Variants in TFDP2 observed in about 807,000 individuals in gnomAD.
TFDP2 encodes transcription factor Dp-2 (E2F dimerization partner 2).
TFDP2 carries 17 observed loss-of-function variants against 59.3 expected under a neutral mutation model. The observed-to-expected ratio is 0.29, with a 90% confidence interval of 0.20 to 0.43. The LOEUF is 0.43. Among genes scored for constraint, TFDP2 ranks in the 20% least tolerant of loss-of-function variants. The pLI, the probability that TFDP2 is intolerant of heterozygous loss-of-function variation, is 1.00. For synonymous variants in TFDP2, 180 were observed against 194.7 expected (o/e 0.92, Z 0.63); for missense variants, 391 against 528.8 (o/e 0.74, Z 2.56).
chr3:142,017,804 G>C (rs1170252790), intron 3 of TFDP2, among the ~76,000 whole-genome samples: 2 of 152,096 alleles, frequency 1.3e-5, no homozygotes, highest in Non-Finnish European at 2.9e-5. Flanking sequence ...ACCCGCCTCA[G>C]CCTCCCAAAG....
chr3:142,020,897 A>G (rs1945539697), intron 3 of TFDP2, among the ~76,000 whole-genome samples: 1 of 151,912 alleles, frequency 6.6e-6, no homozygotes, highest in Admixed American at 6.6e-5. Context: ...AGGCAAGAGG[A>G]TCTCCTGAAC....
chr3:141,963,946 G>C lies in TFDP2; in HGVS notation c.750C>G (p.Asn250Lys), dbSNP rs1259826240. 6.2e-7 allele frequency: 1 copy of C among 1,613,246 alleles called. No homozygotes were observed. Among genetic ancestry groups the C allele is most frequent in the Non-Finnish European group, 8.5e-7 (1 of 1,179,844 alleles). ...ELLLQQIAFK[N>K]LVQRNRQNEQ... is the part of the protein sequence containing the mutation. ...CATTTTGTCGATTTCTCTGTACCAG[G>C]TTTTTGAAAGCGATTTGCTGTAATG... Residue 250 changes from asparagine to lysine, a missense_variant, in exon 10 of 13, where the codon AAC becomes AAG. Asn to Lys is a moderately conservative substitution (Grantham distance 94). Coordinates refer to ENST00000489671, the MANE Select transcript of TFDP2 (RefSeq NM_001178139.2).
chr3:141,986,107 G>A (rs1165788108), intron 6 of TFDP2, among the ~76,000 whole-genome samples: 1 of 152,150 alleles, frequency 6.6e-6, no homozygotes, highest in African/African-American at 2.4e-5. Context: ...CTTAGTCTGA[G>A]CTTAGTCTAT....
Position 142,033,852 on chromosome 3 carries a change from G to T in TFDP2, c.83-28308C>A, listed in dbSNP as rs778618772. Among the ~76,000 whole-genome samples the T allele has an allele frequency of 3.3e-5, 5 of 152,064 alleles. No individual in the cohort carries two copies. In the East Asian group the frequency reaches 9.6e-4, roughly 29 times the overall value. Reference sequence around the variant, plus strand: ...AAGGGTGAGATAACTGAACCAGGAGGGTCCACTTTGCAAAAGGGTCTTTTG... The same window carrying T: ...AAGGGTGAGATAACTGAACCAGGAGTGTCCACTTTGCAAAAGGGTCTTTTG... On this transcript the variant is annotated intron_variant, in intron 3 of 12. Coordinates refer to ENST00000489671, the MANE Select transcript of TFDP2 (RefSeq NM_001178139.2).
chr3:142,107,221 C>CT (rs942515580), intron 1 of TFDP2, among the ~76,000 whole-genome samples: 3 of 150,552 alleles, frequency 2.0e-5, no homozygotes, highest in Non-Finnish European at 4.4e-5. Context: ...AAGATATTTT[C>CT]TTTTTTTTCT....
chr3:142,099,511 G>T (rs1231524856), intron 2 of TFDP2, among the ~76,000 whole-genome samples: 1 of 152,060 alleles, frequency 6.6e-6, no homozygotes, highest in Admixed American at 6.6e-5. Context: ...AGACCAGCCT[G>T]ACCAACATGG....
chr3:141,994,892 G>A (rs1263925266), intron 5 of TFDP2, 128 bp downstream of exon 5: 3 of 704,432 alleles, frequency 4.3e-6, no homozygotes, highest in Non-Finnish European at 4.3e-6. Context: ...AATAAAATAG[G>A]TGATTTTAAA....
rs915820658 is a variant in TFDP2, at chr3:142,116,170, T to C, written c.-92-14329A>G. On this transcript the variant is annotated intron_variant, in intron 1 of 12. Transcript: ENST00000489671. Reference sequence around the variant, plus strand: ...ACTTCAAACTCCTGGGCTCAAGCAATCCTCCCGCCTTAACTCCCAAGTAGC... The same window carrying C: ...ACTTCAAACTCCTGGGCTCAAGCAACCCTCCCGCCTTAACTCCCAAGTAGC... Among the ~76,000 whole-genome samples, 2 of 151,844 alleles carry C rather than the reference T, an allele frequency of 1.3e-5. 1 individual carries two copies. The highest frequency in any genetic ancestry group is 4.2e-4 in the South Asian group (2 of 4,808).
intron 5 of TFDP2, 112 bp from the exon 6 acceptor site, chr3:141,993,697 TA>T: frequency 5.6e-6 from 3 of 533,448 alleles, no homozygotes; most frequent in Non-Finnish European, 3.2e-6. Context: ...ATTCAAAGAC[TA>T]AAACTAGCAA....
intron 3 of TFDP2, among the ~76,000 whole-genome samples, chr3:142,007,861 G>A (rs926728928): frequency 1.3e-5 from 2 of 152,164 alleles, no homozygotes; most frequent in Admixed American, 6.5e-5. Flanking sequence ...AGTGATGCGA[G>A]TGATGGGGAG....
At chr3:142,134,264 G>A (rs139888408) in intron 1 of TFDP2, among the ~76,000 whole-genome samples, 12,584 of 148,968 alleles carry the variant, frequency 0.084, 685 homozygotes, top group Middle Eastern at 0.15. Context: ...CAGGAGAATC[G>A]CCTGAACCCG....
At chr3:141,953,091 G>C in intron 11 of TFDP2, 75 bp from the exon 12 acceptor site, 5 of 1,002,832 alleles carry the variant, frequency 5.0e-6, no homozygotes, top group Non-Finnish European at 6.2e-6. Context: ...TCTGAGGAAA[G>C]CACAGAAAAG....
At chr3:141,986,124 T>C (rs1242828858) in intron 6 of TFDP2, among the ~76,000 whole-genome samples, 2 of 152,194 alleles carry the variant, frequency 1.3e-5, no homozygotes, top group African/African-American at 4.8e-5. Context: ...CTATAAAAGA[T>C]GGCTAGGAAT....
chr3:142,121,363 G>A lies in TFDP2; in HGVS notation c.-92-19522C>T, dbSNP rs531159693. ...ACAGTATAACATGCTAAAATACTAC[G>A]ACACTAGACAGATATTCGGGGCACT... is the stretch of plus-strand genomic sequence containing the variant. On this transcript the variant is annotated intron_variant, in intron 1 of 12. Transcript: ENST00000489671. This position sits in a 1 kb window ranked among gnomAD's most constrained non-coding sequence, Gnocchi z 4.3. Among the ~76,000 whole-genome samples the A allele has an allele frequency of 6.6e-5, 10 of 152,184 alleles. No homozygotes were observed. The South Asian group carries it at 1.5e-3, about 22-fold the overall frequency.
Position 142,094,241 on chromosome 3 carries a change from C to T in TFDP2, c.16-1114G>A, listed in dbSNP as rs116104255. ...GAAGATTTGTAACCTTGAAACATTA[C>T]AATTTTGTTACATTACACTAACTTG... On this transcript the variant is annotated intron_variant, in intron 2 of 12. Transcript: ENST00000489671. Among the ~76,000 whole-genome samples, 140 of 151,566 alleles carry T rather than the reference C, an allele frequency of 9.2e-4. 1 individual carries two copies. The highest frequency in any genetic ancestry group is 3.3e-3 in the African/African-American group (136 of 41,336).
intron 2 of TFDP2, among the ~76,000 whole-genome samples, chr3:142,095,376 T>C (rs1560138225): frequency 6.6e-6 from 1 of 152,244 alleles, no homozygotes; most frequent in Non-Finnish European, 1.5e-5. Flanking sequence ...AATTCAATGC[T>C]CTACTAAGAA....
chr3:142,080,304 G>T (rs948156553), intron 3 of TFDP2, among the ~76,000 whole-genome samples: 3 of 152,094 alleles, frequency 2.0e-5, no homozygotes, highest in Admixed American at 1.3e-4. Context: ...TATATTATTT[G>T]CAAGCCTCAT....
At chr3:142,105,749 A>G (rs866599247) in intron 1 of TFDP2, among the ~76,000 whole-genome samples, 3 of 152,220 alleles carry the variant, frequency 2.0e-5, no homozygotes, top group Non-Finnish European at 4.4e-5. Flanking sequence ...ACACCAGAGT[A>G]CAGCACAAAC....
At chr3:142,081,087 A>G (rs1172969937) in intron 3 of TFDP2, among the ~76,000 whole-genome samples, 1 of 152,244 alleles carries the variant, frequency 6.6e-6, no homozygotes, top group Non-Finnish European at 1.5e-5. Context: ...AATGTTAGGT[A>G]ACAAAACAGT....
Sources: gnomAD v4.1 joint callset for allele counts (sites outside exome capture counted in the v4.1 genomes callset) on GRCh38, gnomAD v4.1.1 for gene constraint, Gnocchi (gnomAD v3.1) non-coding constraint, MANE v1.5 for transcripts, NCBI Gene and HGNC (gene_info 2026-07-23, HGNC 2026-07-21) for gene names.